The following CHN2 variants were observed in gnomAD, a reference collection of about 807,000 sequenced individuals.
The protein encoded by CHN2 is chimerin 2, also known as beta-chimaerin.
CHN2 carries 35 observed loss-of-function variants against 56.3 expected under a neutral mutation model. That is an observed-to-expected ratio of 0.62 (90% CI 0.47 to 0.82). The LOEUF is 0.82. Among genes scored for constraint, CHN2 ranks in the 40% least tolerant of loss-of-function variants. The pLI is 0.00. For missense variants in CHN2, 491 were observed against 580.5 expected, an observed-to-expected ratio of 0.85 and a Z score of 1.58; for synonymous variants, 210 against 212.8, an observed-to-expected ratio of 0.99 and a Z score of 0.12.
chr7:29,439,486 G>A (rs59574873), intron 6 of CHN2, among the ~76,000 whole-genome samples: 2 of 151,798 alleles, frequency 1.3e-5, no homozygotes, highest in Non-Finnish European at 2.9e-5. Flanking sequence ...CCATTCTTGC[G>A]TTTTCTTGTC....
intron 7 of CHN2, among the ~76,000 whole-genome samples, chr7:29,482,797 CT>C (rs375120538): frequency 9.3e-5 from 6 of 64,212 alleles, no homozygotes; most frequent in African/African-American, 1.8e-4. Flanking sequence ...GCACTTTTTT[CT>C]TTTTTTTTTT....
intron 1 of CHN2, among the ~76,000 whole-genome samples, chr7:29,333,862 A>G (rs1235537010): frequency 6.6e-6 from 1 of 151,958 alleles, no homozygotes; most frequent in African/African-American, 2.4e-5. Flanking sequence ...GGACCAGATG[A>G]GTGTGTGTGA....
At chr7:29,203,168 A>G (rs184430376) in intron 1 of CHN2, among the ~76,000 whole-genome samples, 165 of 152,338 alleles carry the variant, frequency 1.1e-3, no homozygotes, top group African/African-American at 3.8e-3. Context: ...TGTTTAGGTG[A>G]TAATATTTTG....
chr7:29,227,521 G>A (rs549071723), intron 1 of CHN2, among the ~76,000 whole-genome samples: 9 of 152,228 alleles, frequency 5.9e-5, no homozygotes, highest in Admixed American at 1.3e-4. Flanking sequence ...GACCAGCTTC[G>A]CCCAGAACCT....
intron 6 of CHN2, chr7:29,479,965 TC>T: frequency 6.9e-7 from 1 of 1,455,694 alleles, no homozygotes; most frequent in Non-Finnish European, 9.0e-7. Context: ...ACTGGGCCTT[TC>T]AGGTCACATG....
At chr7:29,329,376 CAAAAAA>C (rs10667833) in intron 1 of CHN2, among the ~76,000 whole-genome samples, 19 of 37,252 alleles carry the variant, frequency 5.1e-4, no homozygotes, top group African/African-American at 5.2e-4. Flanking sequence ...TCAGATAAGG[CAAAAAA>C]AAAAAAAAAA....
chr7:29,374,447 A>G (rs10235538), intron 3 of CHN2, among the ~76,000 whole-genome samples: 1 of 152,132 alleles, frequency 6.6e-6, no homozygotes. Context: ...GTGATCTACC[A>G]AAGTGCATAC....
chr7:29,262,972 G>A (rs1789687453), intron 1 of CHN2, among the ~76,000 whole-genome samples: 1 of 152,144 alleles, frequency 6.6e-6, no homozygotes, highest in South Asian at 2.1e-4. Context: ...TATGTTATAT[G>A]TATTTTACCA....
chr7:29,314,273 G>T (rs1300835194), intron 1 of CHN2, among the ~76,000 whole-genome samples: 4 of 152,182 alleles, frequency 2.6e-5, no homozygotes, highest in Non-Finnish European at 1.5e-5. Context: ...ATTATGCTAA[G>T]TAAAATAAGA....
chr7:29,356,084 A>G (rs1050979003), intron 2 of CHN2, among the ~76,000 whole-genome samples: 6 of 152,046 alleles, frequency 3.9e-5, no homozygotes, highest in African/African-American at 1.4e-4. Flanking sequence ...CACCAGGCCT[A>G]TGTAGACTGT....
At chr7:29,483,041 T>C (rs1268764586) in intron 7 of CHN2, among the ~76,000 whole-genome samples, 1 of 151,938 alleles carries the variant, frequency 6.6e-6, no homozygotes, top group Non-Finnish European at 1.5e-5. Context: ...CAAGATGGTC[T>C]CGATCTCCTG....
intron 1 of CHN2, chr7:29,292,758 C>A: frequency 2.7e-6 from 1 of 368,216 alleles, no homozygotes. Flanking sequence ...AGTAAAACAC[C>A]CTGCATTTCA....
chr7:29,497,971 G>A (rs1218817158), intron 8 of CHN2, among the ~76,000 whole-genome samples: 1 of 152,088 alleles, frequency 6.6e-6, no homozygotes, highest in Non-Finnish European at 1.5e-5. Flanking sequence ...TCTGGAGATG[G>A]CCGGTGGTAG....
intron 4 of CHN2, chr7:29,397,334 CAAAAG>C (rs1254564000): frequency 6.6e-6 from 1 of 152,186 alleles, no homozygotes; most frequent in African/African-American, 2.4e-5. Context: ...AAATACAAAA[CAAAAG>C]AAAATTTGTC....
chr7:29,410,135 C>A (rs1166867709), intron 6 of CHN2, among the ~76,000 whole-genome samples: 1 of 152,184 alleles, frequency 6.6e-6, no homozygotes, highest in Non-Finnish European at 1.5e-5. Context: ...TTTTTAATTT[C>A]ATCGAGGCTT....
At chr7:29,321,128 A>G (rs1382702860) in intron 1 of CHN2, among the ~76,000 whole-genome samples, 1 of 152,234 alleles carries the variant, frequency 6.6e-6, no homozygotes, top group Non-Finnish European at 1.5e-5. Flanking sequence ...ATTACAGAAA[A>G]TAGTTGAAAA....
At chr7:29,287,308 A>G (rs2128866253) in intron 1 of CHN2, among the ~76,000 whole-genome samples, 1 of 152,274 alleles carries the variant, frequency 6.6e-6, no homozygotes, top group South Asian at 2.1e-4. Flanking sequence ...TGGCACTAAC[A>G]CAGAGAAAGT....
At chr7:29,189,978 C>A (rs1782683198), upstream of CHN2, among the ~76,000 whole-genome samples, 1 of 152,200 alleles carries the variant, frequency 6.6e-6, no homozygotes, top group African/African-American at 2.4e-5. Context: ...GGTGTGGACT[C>A]CTCTTTGTTC....
intron 1 of CHN2, among the ~76,000 whole-genome samples, chr7:29,214,246 C>T (rs376748150): frequency 2.9e-4 from 44 of 152,294 alleles, no homozygotes; most frequent in African/African-American, 1.0e-3. Context: ...TTAGTCATCA[C>T]GGTACCACCC....
Sources: gnomAD v4.1 joint callset for allele counts (sites outside exome capture counted in the v4.1 genomes callset) on GRCh38, gnomAD v4.1.1 for gene constraint, MANE v1.5 for transcripts, NCBI Gene and HGNC (gene_info 2026-07-23, HGNC 2026-07-21) for gene names.